The following NTM variants were observed in gnomAD, a reference collection of about 807,000 sequenced individuals.
The protein encoded by NTM is neurotrimin.
In NTM, 13 loss-of-function variants were observed where a neutral mutation model predicts 42.1. That is an observed-to-expected ratio of 0.31 (90% CI 0.20 to 0.49). NTM has a LOEUF of 0.49. NTM is among the 20% of genes least tolerant of loss of function. The probability of loss-of-function intolerance (pLI) is 0.99; values close to 1 mark genes in which losing one functional copy is unlikely to be tolerated. For missense variants in NTM, 373 were observed against 452.8 expected, an observed-to-expected ratio of 0.82 and a Z score of 1.60; for synonymous variants, 187 against 179.2, an observed-to-expected ratio of 1.04 and a Z score of -0.35.
intron 4 of NTM, among the ~76,000 whole-genome samples, chr11:132,222,340 C>T (rs752630479): frequency 1.3e-5 from 2 of 152,236 alleles, no homozygotes; most frequent in Non-Finnish European, 2.9e-5. Flanking sequence ...AATGCTATCA[C>T]TCACTCAAAT....
chr11:131,409,423 A>G (rs182491184), intron 1 of NTM, among the ~76,000 whole-genome samples: 260 of 152,342 alleles, frequency 1.7e-3, no homozygotes, highest in African/African-American at 5.9e-3. Flanking sequence ...AGAGAGGTGC[A>G]GGAGTCCCAC....
chr11:132,236,471 G>A (rs1419399361), intron 4 of NTM, among the ~76,000 whole-genome samples: 1 of 152,100 alleles, frequency 6.6e-6, no homozygotes, highest in African/African-American at 2.4e-5. Flanking sequence ...TGTAACTTGG[G>A]AGGAATATAC....
At chr11:131,515,015 C>T (rs2048717998) in intron 1 of NTM, among the ~76,000 whole-genome samples, 2 of 152,098 alleles carry the variant, frequency 1.3e-5, no homozygotes, top group African/African-American at 4.8e-5. Context: ...AACAAGCGAT[C>T]CTCCTGCCTC....
Position 131,984,054 on chromosome 11 carries a change from T to C in NTM, c.167+72406T>C, listed in dbSNP as rs940252715. Among the ~76,000 whole-genome samples the C allele has an allele frequency of 1.1e-4, 17 of 152,208 alleles. 1 individual carries two copies. Among genetic ancestry groups the C allele is most frequent in the East Asian group, 3.9e-4 (2 of 5,178 alleles). ...TAACCTAATTAATGCCAAGAAAAAA[T>C]AGACACAGATTTTGGTGTACAGGTA... On this transcript the variant is annotated intron_variant, in intron 2 of 8. Coordinates refer to ENST00000683400, the MANE Select transcript of NTM (RefSeq NM_001352005.2).
chr11:131,500,569 ATATATATATTTTTT>A (rs370667121), intron 1 of NTM, among the ~76,000 whole-genome samples: 10,862 of 57,998 alleles, frequency 0.19, 586 homozygotes, highest in South Asian at 0.32. Context: ...ATATATATAT[ATATATATATTTTTT>A]TTTTTTTTTT....
At chr11:131,431,869 T>A (rs1459426490) in intron 1 of NTM, among the ~76,000 whole-genome samples, 1 of 151,786 alleles carries the variant, frequency 6.6e-6, no homozygotes, top group East Asian at 1.9e-4. Flanking sequence ...CAGCAAAGAA[T>A]CCCACTCCCT....
chr11:131,497,971 C>T (rs980322556), intron 1 of NTM, among the ~76,000 whole-genome samples: 1 of 152,202 alleles, frequency 6.6e-6, no homozygotes, highest in Non-Finnish European at 1.5e-5. Flanking sequence ...CTGTGTGGTC[C>T]AACCCTAGCC....
rs556521664 is a variant in NTM at position 131,945,092 on chromosome 11, G to A, written c.167+33444G>A. Among the ~76,000 whole-genome samples, 9 of 152,194 alleles carry A rather than the reference G, an allele frequency of 5.9e-5. No individual in the cohort carries two copies. The East Asian group carries it at 9.6e-4, about 16-fold the overall frequency. Reference sequence around the variant, plus strand: ...TTCCCCTTTCACCAAGCACAAATCCGGAAAAAAAGCAGTATGTGCATTAAA... The same window carrying A: ...TTCCCCTTTCACCAAGCACAAATCCAGAAAAAAAGCAGTATGTGCATTAAA... On this transcript the variant is annotated intron_variant, in intron 2 of 8. Coordinates refer to ENST00000683400, the MANE Select transcript of NTM (RefSeq NM_001352005.2).
chr11:132,200,613 A>C (rs1357155406), intron 3 of NTM, among the ~76,000 whole-genome samples: 1 of 152,234 alleles, frequency 6.6e-6, no homozygotes, highest in Non-Finnish European at 1.5e-5. Flanking sequence ...TTAAGAATTA[A>C]AGTGCCGATG....
At chr11:131,486,169 C>T (rs1027888545) in intron 1 of NTM, among the ~76,000 whole-genome samples, 1 of 152,210 alleles carries the variant, frequency 6.6e-6, no homozygotes, top group East Asian at 1.9e-4. Flanking sequence ...ATGATAATAG[C>T]AGCATTACTG....
chr11:131,738,071 A>G (rs2080710933), intron 1 of NTM, among the ~76,000 whole-genome samples: 1 of 152,174 alleles, frequency 6.6e-6, no homozygotes, highest in African/African-American at 2.4e-5. Flanking sequence ...GATGTCCCTG[A>G]AGTTGCCAGG....
In NTM at chr11:131,789,473, AAGAAGAAGAAGAAGAAGAGGAAAGAAG is replaced by A. The variant is rs1565550317; in HGVS notation, c.83-122089_83-122063del. Among the ~76,000 whole-genome samples, 58 of 13,168 alleles carry A rather than the reference AAGAAGAAGAAGAAGAAGAGGAAAGAAG, an allele frequency of 4.4e-3. 18 individuals carry two copies. The highest frequency in any genetic ancestry group is 0.019 in the South Asian group (6 of 312). The allele number at this position is 13,168 out of a possible 152,430, so 8.6% of individuals were successfully genotyped here. ...GAAGAAGAAGAAGAAGAAGAAGAAG[AAGAAGAAGAAGAAGAAGAGGAAAGAAG>A]AAGAAGAAGAAGAAGAAGAAGAAGA... is the stretch of plus-strand genomic sequence containing the variant. On this transcript the variant is annotated intron_variant, in intron 1 of 8. Coordinates refer to ENST00000683400, the MANE Select transcript of NTM (RefSeq NM_001352005.2).
At chr11:131,385,839 C>A (rs568665001) in intron 1 of NTM, among the ~76,000 whole-genome samples, 1 of 152,206 alleles carries the variant, frequency 6.6e-6, no homozygotes. Flanking sequence ...GCCTGCACAG[C>A]AGAGCAAGAC....
intron 1 of NTM, among the ~76,000 whole-genome samples, chr11:131,765,673 A>G (rs1423165453): frequency 6.6e-6 from 1 of 152,156 alleles, no homozygotes; most frequent in Non-Finnish European, 1.5e-5. Flanking sequence ...CCAAAATATA[A>G]TCTTCATGAG....
intron 1 of NTM, among the ~76,000 whole-genome samples, chr11:131,629,087 G>C (rs765055554): frequency 2.0e-5 from 3 of 152,254 alleles, no homozygotes; most frequent in Non-Finnish European, 2.9e-5. Flanking sequence ...TTAGGAATAG[G>C]GAGATTTGGG....
chr11:131,844,938 T>C (rs1474295389), intron 1 of NTM, among the ~76,000 whole-genome samples: 3 of 152,186 alleles, frequency 2.0e-5, no homozygotes, highest in African/African-American at 7.2e-5. Context: ...CTTATTATCT[T>C]CATTTCTTTG....
At chr11:131,731,071 GA>G (rs1426620373) in intron 1 of NTM, among the ~76,000 whole-genome samples, 1 of 152,018 alleles carries the variant, frequency 6.6e-6, no homozygotes, top group African/African-American at 2.4e-5. Flanking sequence ...TTTCTCTTAT[GA>G]TTTTTTATGC....
intron 1 of NTM, among the ~76,000 whole-genome samples, chr11:131,747,746 C>A (rs1029394210): frequency 6.6e-6 from 1 of 152,180 alleles, no homozygotes; most frequent in African/African-American, 2.4e-5. Flanking sequence ...CTGGAACTGC[C>A]AGCAACAGCA....
chr11:131,929,677 C>CT lies in NTM; in HGVS notation c.167+18038dup, dbSNP rs200166843. 3.2e-4 allele frequency among the ~76,000 whole-genome samples: 48 copies of CT among 151,230 alleles called. No homozygotes were observed. In the East Asian group the frequency reaches 3.3e-3, roughly 10 times the overall value. Reference sequence around the variant, plus strand: ...CAAAGCTCATTTCTGCAGACTTCCTCTTTTTTTTTGGTTCACACTGATTCA... The same window carrying CT: ...CAAAGCTCATTTCTGCAGACTTCCTCTTTTTTTTTTGGTTCACACTGATTCA... On this transcript the variant is annotated intron_variant, in intron 2 of 8. Coordinates refer to ENST00000683400, the MANE Select transcript of NTM (RefSeq NM_001352005.2).
Sources: allele counts gnomAD v4.1 joint callset (sites outside exome capture counted in the v4.1 genomes callset), GRCh38; gene constraint gnomAD v4.1.1; transcripts MANE v1.5; gene names NCBI Gene and HGNC (gene_info 2026-07-23, HGNC 2026-07-21).